MEGF8: variants seen among roughly 807,000 people sequenced by gnomAD.
MEGF8 encodes multiple EGF like domains 8, also known as multiple epidermal growth factor-like domains protein 8.
Under a neutral mutation model 302.9 loss-of-function variants are expected in MEGF8, and 156 were observed. That is an observed-to-expected ratio of 0.52 (90% CI 0.45 to 0.59). The LOEUF (loss-of-function observed/expected upper bound fraction) is 0.59. Ranked by LOEUF, MEGF8 falls within the 20% of genes least tolerant of loss-of-function variation. The pLI is 0.00. For missense variants in MEGF8, 3,345 were observed against 3,964.5 expected (o/e 0.84, Z 4.20); for synonymous variants, 1,621 against 1,660.5 (o/e 0.98, Z 0.58).
intron 8 of MEGF8, among the ~76,000 whole-genome samples, chr19:42,339,114 G>T (rs910304212): frequency 6.6e-6 from 1 of 152,122 alleles, no homozygotes; most frequent in African/African-American, 2.4e-5. Flanking sequence ...GATTACAGGC[G>T]TGAGCCAATG....
Position 42,376,122 on chromosome 19 carries a change from G to A in MEGF8, c.7885G>A (p.Gly2629Ser), listed in dbSNP as rs543957344. The A allele has an allele frequency of 6.8e-6, 11 of 1,607,838 alleles. No individual in the cohort carries two copies. The highest frequency in any genetic ancestry group is 6.7e-5 in the Admixed American group (4 of 60,002). ...AGACCCAAGTGGGCCCGGCGCCAAC[G>A]GCTCAGCCGACTCGCAGGGCCTGCT... ...VGDPSGPGAN[G>S]SADSQGLLFF... is the part of the protein sequence containing the mutation. Residue 2629 changes from glycine to serine, a missense_variant, in exon 42 of 42, where the codon GGC (glycine) becomes AGC (serine). Physicochemically the swap from Gly to Ser is moderately conservative, Grantham distance 56 (BLOSUM62 0). Transcript: ENST00000251268. The surrounding 1 kb of genome is among the most constrained non-coding windows in gnomAD (Gnocchi z 8.2).
chr19:42,368,469 C>A lies in MEGF8; in HGVS notation c.6288C>A (p.Ser2096=). The change falls in exon 36 of 42, where the codon TCC becomes TCA. Residue 2096 remains serine, a synonymous_variant. Transcript: ENST00000251268. This position sits in a 1 kb window ranked among gnomAD's most constrained non-coding sequence, Gnocchi z 4.9. ...CCCCCATACAGTGTCTGAGCCCTTC[C>A]TACCTGCCCCTGCGATGTATGGCCG... is the stretch of plus-strand genomic sequence containing the variant. ...SSSLQQCLSP[S]YLPLRCMAGG... 6.2e-7 allele frequency: 1 copy of A among 1,608,788 alleles called. No homozygotes were observed. Among genetic ancestry groups the A allele is most frequent in the East Asian group, 2.2e-5 (1 of 44,752 alleles).
At position 42,326,396 on chromosome 19, in the gene MEGF8, C is replaced by T; in HGVS notation, c.153C>T (p.Tyr51=). ...PGFVTDGAGN[Y]SVNGNCEWLI... ...TCGTGACGGATGGTGCGGGCAACTA[C>T]AGCGTCAATGGCAACTGCGAGTGGC... is the stretch of plus-strand genomic sequence containing the variant. The change falls in exon 1 of 42, where the codon TAC becomes TAT. Residue 51 remains tyrosine, a synonymous_variant. Coordinates refer to ENST00000251268, the MANE Select transcript of MEGF8 (RefSeq NM_001271938.2). 3 of 1,578,462 alleles carry T rather than the reference C, an allele frequency of 1.9e-6. No individual in the cohort carries two copies. The highest frequency in any genetic ancestry group is 8.6e-7 in the Non-Finnish European group (1 of 1,165,670).
At chr19:42,345,694 G>A (rs1232819988) in intron 12 of MEGF8, among the ~76,000 whole-genome samples, 1 of 152,218 alleles carries the variant, frequency 6.6e-6, no homozygotes, top group African/African-American at 2.4e-5. Context: ...CCATTCATCA[G>A]CTGATGGACG....
Position 42,377,074 on chromosome 19 carries a change from CCA to C in MEGF8, c.*303_*304del, listed in dbSNP as rs1167962509. ...GACAATCAGTGCACATGCACACACC[CCA>C]CACGCATACACACATGAACACATGC... On this transcript the variant is annotated 3_prime_UTR_variant, in exon 42 of 42. Transcript: ENST00000251268. 1 of 382,148 alleles carries C rather than the reference CCA, an allele frequency of 2.6e-6. No homozygotes were observed. Among genetic ancestry groups the C allele is most frequent in the Non-Finnish European group, 4.7e-6 (1 of 214,860 alleles). The allele number at this position is 382,148 out of a possible 1,614,324, so 23.7% of individuals were successfully genotyped here. A position where few individuals can be genotyped will look rare whatever the true frequency, so the allele number is the denominator to read the frequency against.
rs1466343768 is a variant in MEGF8, at chr19:42,355,995, C to T, written c.4382C>T (p.Thr1461Ile). 4 of 1,611,312 alleles carry T rather than the reference C, an allele frequency of 2.5e-6. No individual in the cohort carries two copies. Among genetic ancestry groups the T allele is most frequent in the African/African-American group, 1.3e-5 (1 of 74,904 alleles). The part of the protein sequence containing the change: ...ENCNAHTGAG[T>I]CNQSLGVCIC... ...TGCAATGCCCACACTGGGGCAGGAACTTGTAACCAGGTACAGGTGGGAGAG... is the reference window on the plus strand; with the variant it reads ...TGCAATGCCCACACTGGGGCAGGAATTTGTAACCAGGTACAGGTGGGAGAG... Residue 1461 changes from threonine (T) to isoleucine (I), a missense_variant, in exon 24 of 42, where the codon ACT (threonine) becomes ATT (isoleucine). Coordinates refer to ENST00000251268, the MANE Select transcript of MEGF8 (RefSeq NM_001271938.2).
Position 42,352,999 on chromosome 19 carries a change from G to A in MEGF8, c.3422G>A (p.Trp1141Ter), listed in dbSNP as rs200096403. ...PDFTCVCDLGWTSDLPPPTPA... is the reference protein window; with the variant it reads ...PDFTCVCDLG Reference sequence around the variant, plus strand: ...TTTACCTGCGTGTGTGACCTAGGCTGGACATCAGACCTGCCCCCTCCCACA... The same window carrying A: ...TTTACCTGCGTGTGTGACCTAGGCTAGACATCAGACCTGCCCCCTCCCACA... Residue 1141 changes from tryptophan to a stop codon, truncating the protein, a stop_gained, in exon 20 of 42, where the codon TGG becomes TAG. Coordinates refer to ENST00000251268, the MANE Select transcript of MEGF8 (RefSeq NM_001271938.2). LOFTEE classifies it high-confidence loss of function. The surrounding 1 kb of genome is among the most constrained non-coding windows in gnomAD (Gnocchi z 4.4). 3.8e-6 allele frequency: 6 copies of A among 1,588,228 alleles called. No homozygotes were observed. In the African/African-American group the frequency reaches 4.0e-5, roughly 11 times the overall value.
chr19:42,348,590 G>C lies in MEGF8; in HGVS notation c.2298+118G>C, dbSNP rs945868076. On this transcript the variant is annotated intron_variant, in intron 13 of 41. Transcript: ENST00000251268. ...GGGAAGGGCTGGGGAGAAATTAGAG[G>C]CAGGAGATGGATTTTTTGTGTGTGT... The C allele has an allele frequency of 1.2e-5, 12 of 1,000,550 alleles. No homozygotes were observed. In the African/African-American group the frequency reaches 1.8e-4, roughly 15 times the overall value. 62.0% of individuals were successfully genotyped at this position (1,000,550 alleles called of 1,614,324 possible). A position where few individuals can be genotyped will look rare whatever the true frequency, so the allele number is the denominator to read the frequency against.
rs1360681269 is a variant in MEGF8 at position 42,370,721 on chromosome 19, G to A, written c.7026G>A (p.Glu2342=). ...DPEEIENWVT[E]GPSEDEAVCV... ...GCCAGATTGAAAACTGGGTGACAGA[G>A]GGTCCTAGTGAAGACGAGGCCGTGT... Residue 2342 remains glutamate, a synonymous_variant, in exon 40 of 42, where the codon GAG becomes GAA. Coordinates refer to ENST00000251268, the MANE Select transcript of MEGF8 (RefSeq NM_001271938.2). 6.3e-7 allele frequency: 1 copy of A among 1,592,858 alleles called. No individual in the cohort carries two copies. Among genetic ancestry groups the A allele is most frequent in the East Asian group, 2.3e-5 (1 of 43,982 alleles).
rs777682959 is a variant in MEGF8 at position 42,353,577 on chromosome 19, T to G, written c.3663T>G (p.Arg1221=). Residue 1221 remains arginine (R), a synonymous_variant, in exon 21 of 42, where the codon CGT becomes CGG. Coordinates refer to ENST00000251268, the MANE Select transcript of MEGF8 (RefSeq NM_001271938.2). The surrounding 1 kb of genome is among the most constrained non-coding windows in gnomAD (Gnocchi z 6.1). ...GCAACGGGCACGGGGACCCACGCCG[T>G]GGCCACTGCGACAACCTCAGTGGGC... ...CQCNGHGDPR[R]GHCDNLSGLC... is the part of the protein sequence containing the mutation. 1 of 1,599,248 alleles carries G rather than the reference T, an allele frequency of 6.3e-7. No homozygotes were observed. Among genetic ancestry groups the G allele is most frequent in the East Asian group, 2.3e-5 (1 of 44,204 alleles).
Position 42,376,919 on chromosome 19 carries a change from C to G in MEGF8, c.*144C>G, listed in dbSNP as rs1011237260. The G allele has an allele frequency of 1.2e-6, 1 of 837,290 alleles. No individual in the cohort carries two copies. Among genetic ancestry groups the G allele is most frequent in the Non-Finnish European group, 1.7e-6 (1 of 591,864 alleles). 51.9% of individuals were successfully genotyped at this position (837,290 alleles called of 1,614,324 possible). ...CCCCAGGGTTGCCCAGATGGGGCCT[C>G]CTTTGTTCTGCATTCAGCAGCTATT... On this transcript the variant is annotated 3_prime_UTR_variant, in exon 42 of 42. Coordinates refer to ENST00000251268, the MANE Select transcript of MEGF8 (RefSeq NM_001271938.2). This position sits in a 1 kb window ranked among gnomAD's most constrained non-coding sequence, Gnocchi z 8.2.
In MEGF8 at chr19:42,356,552, A is replaced by G; in HGVS notation, c.4622+99A>G. The G allele has an allele frequency of 9.4e-7, 1 of 1,063,578 alleles. No individual in the cohort carries two copies. The highest frequency in any genetic ancestry group is 2.6e-5 in the East Asian group (1 of 38,424). 65.9% of individuals were successfully genotyped at this position (1,063,578 alleles called of 1,614,324 possible). On this transcript the variant is annotated intron_variant, in intron 26 of 41. Transcript: ENST00000251268. This position sits in a 1 kb window ranked among gnomAD's most constrained non-coding sequence, Gnocchi z 5.2. Reference sequence around the variant, plus strand: ...AGGAGTGCAGAAAAGCCTCTAAGGTAAAGGACAGCCCAAAGGATGCTGGGA... The same window carrying G: ...AGGAGTGCAGAAAAGCCTCTAAGGTGAAGGACAGCCCAAAGGATGCTGGGA...
At chr19:42,342,243 C>G (rs2147461179) in intron 8 of MEGF8, among the ~76,000 whole-genome samples, 1 of 152,312 alleles carries the variant, frequency 6.6e-6, no homozygotes, top group Admixed American at 6.5e-5. Flanking sequence ...GCACGCAGGT[C>G]AGTAAGAGGG....
rs745653157 is a variant in MEGF8 at position 42,351,678 on chromosome 19, C to T, written c.3018C>T (p.Cys1006=). 59 of 1,590,320 alleles carry T rather than the reference C, an allele frequency of 3.7e-5. No homozygotes were observed. In the East Asian group the frequency reaches 5.8e-4, roughly 16 times the overall value. ...SVHSEPRCRS[C]DGFLTCHECL... The stretch of plus-strand genomic sequence containing the variant: ...ACTCGGAGCCACGGTGCCGGAGCTG[C>T]GATGGCTTCCTGACCTGCCATGAGT... Residue 1006 remains cysteine (C), a synonymous_variant, in exon 18 of 42, where the codon TGC becomes TGT. Coordinates refer to ENST00000251268, the MANE Select transcript of MEGF8 (RefSeq NM_001271938.2). The surrounding 1 kb of genome is among the most constrained non-coding windows in gnomAD (Gnocchi z 5.6).
chr19:42,363,400 T>A, intron 35 of MEGF8, 138 bp downstream of exon 35: 1 of 753,974 alleles, frequency 1.3e-6, no homozygotes, highest in Non-Finnish European at 2.2e-6. Flanking sequence ...CAGTCGTGCT[T>A]CCTTCTCGTG....
At chr19:42,334,302 G>A (rs868485022) in intron 3 of MEGF8, 89 bp downstream of exon 3, 2 of 1,243,402 alleles carry the variant, frequency 1.6e-6, no homozygotes, top group African/African-American at 3.0e-5. Context: ...CCTTGCTCCT[G>A]CATGAAACTC....
Position 42,336,666 on chromosome 19 carries a change from C to CTAGTTTGG in MEGF8, c.1245-141_1245-140insTAGTTTGG. The CTAGTTTGG allele has an allele frequency of 7.8e-7, 1 of 1,285,576 alleles. No homozygotes were observed. Among genetic ancestry groups the CTAGTTTGG allele is most frequent in the Non-Finnish European group, 1.1e-6 (1 of 949,096 alleles). 79.6% of individuals were successfully genotyped at this position (1,285,576 alleles called of 1,614,324 possible). On this transcript the variant is annotated intron_variant, in intron 6 of 41. Transcript: ENST00000251268. The surrounding 1 kb of genome is among the most constrained non-coding windows in gnomAD (Gnocchi z 4.8). ...CAGAGATGACTCAGGGTCCTGCCCA[C>CTAGTTTGG]AGGGAACTTCTAGTTTGGAGGGGAC...
rs2039428946 is a variant in MEGF8 at position 42,354,895 on chromosome 19, C to T, written c.4144+175C>T. Among the ~76,000 whole-genome samples, 1 of 152,174 alleles carries T rather than the reference C, an allele frequency of 6.6e-6. No individual in the cohort carries two copies. Among genetic ancestry groups the T allele is most frequent in the South Asian group, 2.1e-4 (1 of 4,826 alleles). ...TAGTTGAGAGGAAAATAGGATTGCG[C>T]CGGCTGAGCTACGTCTGCAGAGAGA... is the stretch of plus-strand genomic sequence containing the variant. On this transcript the variant is annotated intron_variant, in intron 23 of 41. Transcript: ENST00000251268. This position sits in a 1 kb window ranked among gnomAD's most constrained non-coding sequence, Gnocchi z 4.3.
chr19:42,354,761 T>C lies in MEGF8; in HGVS notation c.4144+41T>C. The C allele has an allele frequency of 1.3e-6, 2 of 1,562,678 alleles. No individual in the cohort carries two copies. Among genetic ancestry groups the C allele is most frequent in the Non-Finnish European group, 1.7e-6 (2 of 1,154,904 alleles). ...GAAGTGGGACCTCTTAGTCCTGGGC[T>C]ATGTATCCCTTGCCCCTGAACTCAC... On this transcript the variant is annotated intron_variant, in intron 23 of 41. Coordinates refer to ENST00000251268, the MANE Select transcript of MEGF8 (RefSeq NM_001271938.2). The surrounding 1 kb of genome is among the most constrained non-coding windows in gnomAD (Gnocchi z 4.3).
Sources: allele counts gnomAD v4.1 joint callset (sites outside exome capture counted in the v4.1 genomes callset), GRCh38; gene constraint gnomAD v4.1.1; non-coding constraint Gnocchi (gnomAD v3.1); transcripts MANE v1.5; gene names NCBI Gene and HGNC (gene_info 2026-07-23, HGNC 2026-07-21).